Variants in MYO16 observed in about 807,000 individuals in gnomAD.
The protein encoded by MYO16 is unconventional myosin-XVI.
A neutral mutation model predicts 205.3 loss-of-function variants in MYO16; 94 were observed. The ratio of observed to expected loss-of-function variants is 0.46; its 90% CI spans 0.39 to 0.54. MYO16 has a LOEUF of 0.54. Ranked by LOEUF, MYO16 falls within the 20% of genes least tolerant of loss-of-function variation. The probability of loss-of-function intolerance (pLI) is 0.00; values close to 1 mark genes in which losing one functional copy is unlikely to be tolerated. For synonymous variants in MYO16, 988 were observed against 954.0 expected (o/e 1.04, Z -0.66); for missense variants, 2,315 against 2,387.5 (o/e 0.97, Z 0.63).
chr13:109,053,443 A>T (rs1001175691), intron 25 of MYO16, among the ~76,000 whole-genome samples: 1 of 150,694 alleles, frequency 6.6e-6, no homozygotes, highest in Non-Finnish European at 1.5e-5. Context: ...TTTTTACATT[A>T]AAAAAAAAGA....
intron 4 of MYO16, among the ~76,000 whole-genome samples, chr13:108,740,137 G>A (rs972791218): frequency 1.6e-4 from 24 of 152,276 alleles, no homozygotes; most frequent in African/African-American, 4.1e-4. Context: ...CTCTCAACTC[G>A]TCACAGTCAT....
intron 28 of MYO16, among the ~76,000 whole-genome samples, chr13:109,119,367 CT>C (rs1360410891): frequency 6.6e-6 from 1 of 152,196 alleles, no homozygotes; most frequent in African/African-American, 2.4e-5. Context: ...TGCTAAGAAT[CT>C]GATTATAAAC....
Position 108,957,712 on chromosome 13 carries a change from T to C in MYO16, c.1950T>C (p.Asp650=), listed in dbSNP as rs2139357742. The C allele has an allele frequency of 2.5e-6, 4 of 1,613,142 alleles. No individual in the cohort carries two copies. Among genetic ancestry groups the C allele is most frequent in the Non-Finnish European group, 3.4e-6 (4 of 1,179,226 alleles). Residue 650 remains aspartate (D), a synonymous_variant, in exon 17 of 35, where the codon GAT becomes GAC. Transcript: ENST00000457511. Reference sequence around the variant, plus strand: ...GGTATTTGAACCAGACCATACAGGATGATGCATCCACAGGGGAGCGTTCTC... The same window carrying C: ...GGTATTTGAACCAGACCATACAGGACGATGCATCCACAGGGGAGCGTTCTC... ...AHRYLNQTIQ[D]DASTGERSLN...
chr13:108,597,682 C>A (rs1878611226), intron 1 of MYO16, among the ~76,000 whole-genome samples: 1 of 152,164 alleles, frequency 6.6e-6, no homozygotes, highest in African/African-American at 2.4e-5. Context: ...CGTTCCCCTC[C>A]ACTTTCTAAT....
chr13:108,608,945 T>C (rs538645739), intron 1 of MYO16, among the ~76,000 whole-genome samples: 1 of 152,276 alleles, frequency 6.6e-6, no homozygotes, highest in Non-Finnish European at 1.5e-5. Context: ...CACGATGAGA[T>C]TTTTGAAAGT....
At chr13:108,617,461 C>T (rs1488508138) in intron 1 of MYO16, among the ~76,000 whole-genome samples, 1 of 152,166 alleles carries the variant, frequency 6.6e-6, no homozygotes, top group Admixed American at 6.6e-5. Context: ...AGAGGCTTTT[C>T]TGTGTATACC....
the MYO16 span, among the ~76,000 whole-genome samples, chr13:108,590,066 A>G: frequency 1.3e-5 from 2 of 152,170 alleles, no homozygotes; most frequent in African/African-American, 2.4e-5. Flanking sequence ...GCTTTTTTAA[A>G]AAATCAAATT....
intron 4 of MYO16, among the ~76,000 whole-genome samples, chr13:108,748,265 CA>C (rs1219824931): frequency 9.2e-5 from 14 of 151,720 alleles, no homozygotes; most frequent in Non-Finnish European, 1.9e-4. Context: ...ATATGTAGCC[CA>C]AAAAAGTCTC....
chr13:108,617,985 T>C (rs926107108), intron 1 of MYO16, among the ~76,000 whole-genome samples: 5 of 152,004 alleles, frequency 3.3e-5, no homozygotes, highest in Non-Finnish European at 7.4e-5. Context: ...AAGCTGGTCT[T>C]CTCTCTCACT....
chr13:109,204,478 C>CA (rs1880521691), intron 34 of MYO16, among the ~76,000 whole-genome samples: 1 of 152,138 alleles, frequency 6.6e-6, no homozygotes, highest in South Asian at 2.1e-4. Context: ...GAGGAGCTGG[C>CA]ACACACTCCT....
At chr13:109,065,634 T>C (rs778796183) in intron 27 of MYO16, 7 of 448,676 alleles carry the variant, frequency 1.6e-5, no homozygotes, top group Non-Finnish European at 2.6e-5. Context: ...TTTATCACCC[T>C]GTATGCTTGT....
At chr13:109,117,006 A>C (rs1046574714) in intron 28 of MYO16, among the ~76,000 whole-genome samples, 1 of 152,182 alleles carries the variant, frequency 6.6e-6, no homozygotes, top group Non-Finnish European at 1.5e-5. Flanking sequence ...CTTCAGATTC[A>C]CTTGATGGAG....
At chr13:108,893,663 A>G (rs1187108390) in intron 14 of MYO16, among the ~76,000 whole-genome samples, 2 of 152,180 alleles carry the variant, frequency 1.3e-5, no homozygotes, top group East Asian at 1.9e-4. Flanking sequence ...GGAGAGGACA[A>G]TGTGCTGATT....
At chr13:108,922,446 C>A (rs1018769346) in intron 16 of MYO16, among the ~76,000 whole-genome samples, 5 of 152,290 alleles carry the variant, frequency 3.3e-5, no homozygotes, top group South Asian at 2.1e-4. Flanking sequence ...CCCTCTTTCA[C>A]GTCTTCCCTG....
intron 3 of MYO16, 59 bp downstream of exon 3, chr13:108,712,790 A>G: frequency 2.2e-6 from 3 of 1,357,304 alleles, no homozygotes; most frequent in Non-Finnish European, 3.0e-6. Flanking sequence ...AGTACATTAC[A>G]GGTTCAAACC....
At chr13:108,673,754 A>C (rs1446842372) in intron 2 of MYO16, among the ~76,000 whole-genome samples, 1 of 152,006 alleles carries the variant, frequency 6.6e-6, no homozygotes, top group Non-Finnish European at 1.5e-5. Flanking sequence ...CTGTATCGAG[A>C]CTTTTTTCCT....
intron 16 of MYO16, among the ~76,000 whole-genome samples, chr13:108,913,285 A>G (rs976540154): frequency 3.3e-5 from 5 of 152,234 alleles, no homozygotes; most frequent in Non-Finnish European, 5.9e-5. Flanking sequence ...GCATTTGTAC[A>G]ATGACAATTT....
chr13:108,497,429 GC>G, the MYO16 span, among the ~76,000 whole-genome samples: 1 of 152,152 alleles, frequency 6.6e-6, no homozygotes, highest in Admixed American at 6.5e-5. Flanking sequence ...ACTTTTGTAA[GC>G]ATATGAGGTT....
chr13:109,191,705 A>G (rs9515005), intron 34 of MYO16, among the ~76,000 whole-genome samples: 28,621 of 152,122 alleles, frequency 0.19, 2,920 homozygotes, highest in East Asian at 0.27. Context: ...TAGATGTTCA[A>G]GTGGGGTTGA....
Sources: allele counts gnomAD v4.1 joint callset (sites outside exome capture counted in the v4.1 genomes callset), GRCh38; gene constraint gnomAD v4.1.1; transcripts MANE v1.5; gene names NCBI Gene and HGNC (gene_info 2026-07-23, HGNC 2026-07-21).